GPRC6A: variants seen among roughly 807,000 people sequenced by gnomAD.
GPRC6A encodes the protein G protein-coupled receptor class C group 6 member A.
In GPRC6A, 54 loss-of-function variants were observed where a neutral mutation model predicts 47.0. The ratio of observed to expected loss-of-function variants is 1.15; its 90% CI spans 0.92 to 1.44. The LOEUF is 1.44. GPRC6A is among the 40% of genes most tolerant of loss of function. The pLI, the probability that GPRC6A is intolerant of heterozygous loss-of-function variation, is 0.00. For synonymous variants in GPRC6A, 347 were observed against 377.1 expected (o/e 0.92, Z 0.93); for missense variants, 1,112 against 1,105.5 (o/e 1.01, Z -0.08).
At chr6:116,803,953 G>T (rs140389447) in intron 3 of GPRC6A, among the ~76,000 whole-genome samples, 13 of 152,130 alleles carry the variant, frequency 8.5e-5, no homozygotes, top group Non-Finnish European at 1.3e-4. Context: ...TCAATGGACA[G>T]ATAATTCCTT....
At chr6:116,794,870 TAACAG>T (rs1772427692) in intron 5 of GPRC6A, among the ~76,000 whole-genome samples, 1 of 152,130 alleles carries the variant, frequency 6.6e-6, no homozygotes, top group African/African-American at 2.4e-5. Context: ...GTGTGACACA[TAACAG>T]AACATGAATC....
chr6:116,804,853 G>A (rs888936690), intron 3 of GPRC6A, among the ~76,000 whole-genome samples: 18 of 151,708 alleles, frequency 1.2e-4, no homozygotes, highest in Admixed American at 6.6e-5. Context: ...ACCATCCCCC[G>A]CTCCACTTTA....
rs1266494056 is a variant in GPRC6A at position 116,829,053 on chromosome 6, AATC to A, written c.-43_-41del. 3.8e-6 allele frequency: 6 copies of A among 1,575,098 alleles called. No homozygotes were observed. The highest frequency in any genetic ancestry group is 5.2e-6 in the Non-Finnish European group (6 of 1,160,410). On this transcript the variant is annotated 5_prime_UTR_variant, in exon 1 of 6. The change abolishes an upstream ATG in the 5' untranslated region. Coordinates refer to ENST00000310357, the MANE Select transcript of GPRC6A (RefSeq NM_148963.4). ...TGCTCAGTTCATGTGAGTTCTTAGG[AATC>A]ATTAAGTGCACGGAGTGCCAGCAAG...
At chr6:116,819,871 A>G (rs1358354234) in intron 1 of GPRC6A, among the ~76,000 whole-genome samples, 1 of 150,312 alleles carries the variant, frequency 6.7e-6, no homozygotes, top group Admixed American at 6.7e-5. Flanking sequence ...AGCAGAACTG[A>G]AGGAAATAGA....
rs180781288 is a variant in GPRC6A at position 116,807,813 on chromosome 6, C to T, written c.499-607G>A. On this transcript the variant is annotated intron_variant, in intron 2 of 5. Coordinates refer to ENST00000310357, the MANE Select transcript of GPRC6A (RefSeq NM_148963.4). ...AAGAGCATGAGAACCACATTTGGTC[C>T]GCAGGCTGTGATTTTCTGACTCCTG... 1.3e-3 allele frequency among the ~76,000 whole-genome samples: 201 copies of T among 152,142 alleles called. 1 individual carries two copies. The highest frequency in any genetic ancestry group is 6.8e-3 in the Middle Eastern group (2 of 294).
Position 116,806,435 on chromosome 6 carries a change from A to G in GPRC6A, c.1270T>C (p.Tyr424His). 6.2e-7 allele frequency: 1 copy of G among 1,613,508 alleles called. No homozygotes were observed. The highest frequency in any genetic ancestry group is 8.5e-7 in the Non-Finnish European group (1 of 1,179,694). The change falls in exon 3 of 6, where the codon TAT becomes CAT. Residue 424 changes from tyrosine to histidine, a missense_variant. Tyr to His is a moderately conservative substitution (Grantham distance 83). Transcript: ENST00000310357. ...GCTTGACACAGATCCCGAATGGCAT[A>G]ACCAAGGGCAAACACTGCAAGCTGA... ...SIQLAVFALG[Y>H]AIRDLCQARD...
At chr6:116,810,092 T>C (rs563863548) in intron 1 of GPRC6A, among the ~76,000 whole-genome samples, 1 of 152,300 alleles carries the variant, frequency 6.6e-6, no homozygotes, top group South Asian at 2.1e-4. Context: ...TAAAGTGTCT[T>C]ATTTTAGTTC....
In GPRC6A at chr6:116,806,476, C is replaced by G. The variant is rs867388929; in HGVS notation, c.1229G>C (p.Gly410Ala). Residue 410 changes from glycine (G) to alanine (A), a missense_variant, in exon 3 of 6, where the codon GGA (glycine) becomes GCA (alanine). By Grantham distance (60) the Gly-to-Ala change is moderately conservative. Transcript: ENST00000310357. The part of the protein sequence containing the change: ...NDFLWDYAEP[G>A]LIHSIQLAVF... ...TGCAAGCTGAATACTATGAATGAGT[C>G]CTGGCTCAGCATAGTCCCAGAGGAA... 3 of 1,613,386 alleles carry G rather than the reference C, an allele frequency of 1.9e-6. No individual in the cohort carries two copies. Among genetic ancestry groups the G allele is most frequent in the Non-Finnish European group, 2.5e-6 (3 of 1,179,564 alleles).
chr6:116,828,698 C>G (rs765055516), intron 1 of GPRC6A, 122 bp downstream of exon 1: 70 of 813,010 alleles, frequency 8.6e-5, no homozygotes, highest in Non-Finnish European at 1.2e-4. Context: ...CCATATGCAA[C>G]TTAAAAATAC....
At chr6:116,818,515 CAG>C (rs1773322044) in intron 1 of GPRC6A, among the ~76,000 whole-genome samples, 1 of 66,906 alleles carries the variant, frequency 1.5e-5, no homozygotes, top group Admixed American at 2.6e-4. Flanking sequence ...GCCTGGGCGA[CAG>C]AGCGAGACTC....
Position 116,809,610 on chromosome 6 carries a change from T to A in GPRC6A, c.202A>T (p.Ile68Leu). The part of the protein sequence containing the change: ...PQIQECVGFE[I>L]SVFLQTLAMI... Reference sequence around the variant, plus strand: ...GCAAGAGTTTGAAGAAAAACTGATATTTCAAAGCTGTTGGGAAACAAGTAT... The same window carrying A: ...GCAAGAGTTTGAAGAAAAACTGATAATTCAAAGCTGTTGGGAAACAAGTAT... The change falls in exon 2 of 6, where the codon ATA (isoleucine) becomes TTA (leucine). Residue 68 changes from isoleucine (I) to leucine (L), a missense_variant. Transcript: ENST00000310357. 6.2e-7 allele frequency: 1 copy of A among 1,604,392 alleles called. No homozygotes were observed. Among genetic ancestry groups the A allele is most frequent in the African/African-American group, 1.3e-5 (1 of 74,774 alleles).
chr6:116,820,626 G>C (rs1359841567), intron 1 of GPRC6A, among the ~76,000 whole-genome samples: 1 of 150,694 alleles, frequency 6.6e-6, no homozygotes, highest in Non-Finnish European at 1.5e-5. Context: ...TATCTCAATA[G>C]ATGCAGAAAA....
chr6:116,813,364 A>C (rs929444140), intron 1 of GPRC6A, among the ~76,000 whole-genome samples: 2 of 152,338 alleles, frequency 1.3e-5, no homozygotes, highest in Admixed American at 1.3e-4. Flanking sequence ...ACTATACTAC[A>C]AGGCTACAGT....
At position 116,795,775 on chromosome 6, in the gene GPRC6A, T is replaced by G; in HGVS notation, c.1609A>C (p.Ser537Arg). ...CATTCATAGCAACAGATGTGTTGACTTCTTGTAGTTTTCTTCATTTGCCCA... is the reference window on the plus strand; with the variant it reads ...CATTCATAGCAACAGATGTGTTGACGTCTTGTAGTTTTCTTCATTTGCCCA... Reference protein sequence around the residue: ...SPGQMKKTTRSQHICCYECQN... With the variant: ...SPGQMKKTTRRQHICCYECQN... Residue 537 changes from serine to arginine, a missense_variant, in exon 5 of 6, where the codon AGT (serine) becomes CGT (arginine). Ser to Arg is a moderately radical substitution (Grantham distance 110). Transcript: ENST00000310357. 6.2e-7 allele frequency: 1 copy of G among 1,609,566 alleles called. No homozygotes were observed. The highest frequency in any genetic ancestry group is 8.5e-7 in the Non-Finnish European group (1 of 1,176,172).
intron 5 of GPRC6A, among the ~76,000 whole-genome samples, chr6:116,794,703 A>G (rs752091109): frequency 1.9e-4 from 29 of 152,362 alleles, no homozygotes; most frequent in Non-Finnish European, 3.8e-4. Flanking sequence ...AGGCAGTGGT[A>G]TAGCATTTTT....
Position 116,806,792 on chromosome 6 carries a change from A to G in GPRC6A, c.913T>C (p.Trp305Arg). 6.2e-7 allele frequency: 1 copy of G among 1,613,562 alleles called. No homozygotes were observed. Among genetic ancestry groups the G allele is most frequent in the Non-Finnish European group, 8.5e-7 (1 of 1,179,750 alleles). Residue 305 changes from tryptophan to arginine, a missense_variant, in exon 3 of 6, where the codon TGG (tryptophan) becomes CGG (arginine). Transcript: ENST00000310357. Reference protein sequence around the residue: ...INKMWIASDNWSTATKITTIP... With the variant: ...INKMWIASDNRSTATKITTIP... ...GTGGTAATCTTGGTGGCAGTTGACC[A>G]ATTATCACTAGCAATCCACATCTTA... is the stretch of plus-strand genomic sequence containing the variant.
At chr6:116,799,186 G>C (rs140236517) in intron 4 of GPRC6A, among the ~76,000 whole-genome samples, 1 of 152,154 alleles carries the variant, frequency 6.6e-6, no homozygotes, top group Non-Finnish European at 1.5e-5. Flanking sequence ...TGACTGCTAC[G>C]CATCCAGGTA....
chr6:116,818,347 A>T (rs1264207663), intron 1 of GPRC6A, among the ~76,000 whole-genome samples: 1 of 150,356 alleles, frequency 6.7e-6, no homozygotes, highest in South Asian at 2.1e-4. Context: ...ATCCCGGCTA[A>T]CACGGTGAAA....
chr6:116,797,608 G>C (rs1276341080), intron 4 of GPRC6A, among the ~76,000 whole-genome samples: 1 of 152,170 alleles, frequency 6.6e-6, no homozygotes, highest in African/African-American at 2.4e-5. Context: ...CTTCCATTTA[G>C]TCACTAAGAG....
Sources: gnomAD v4.1 joint callset for allele counts (sites outside exome capture counted in the v4.1 genomes callset) on GRCh38, gnomAD v4.1.1 for gene constraint, MANE v1.5 for transcripts, NCBI Gene and HGNC (gene_info 2026-07-23, HGNC 2026-07-21) for gene names.